The following CSMD1 variants were observed in gnomAD, a reference collection of about 807,000 sequenced individuals.
The protein encoded by CSMD1 is CUB and sushi domain-containing protein 1.
CSMD1 carries 213 observed loss-of-function variants against 417.5 expected under a neutral mutation model. That is an observed-to-expected ratio of 0.51 (90% CI 0.46 to 0.57). CSMD1 has a LOEUF of 0.57. Among genes scored for constraint, CSMD1 ranks in the 20% least tolerant of loss-of-function variants. The pLI, the probability that CSMD1 is intolerant of heterozygous loss-of-function variation, is 0.00. For synonymous variants in CSMD1, 2,862 were observed against 1,736.8 expected (o/e 1.65, Z -16.11); for missense variants, 6,923 against 4,529.7 (o/e 1.53, Z -15.17).
intron 1 of CSMD1, among the ~76,000 whole-genome samples, chr8:4,847,074 T>A (rs936817926): frequency 2.0e-5 from 3 of 152,154 alleles, no homozygotes; most frequent in African/African-American, 7.2e-5. Context: ...TTTGTCAAAA[T>A]AGGGCACCAC....
chr8:4,231,167 T>A (rs888120442), intron 3 of CSMD1, among the ~76,000 whole-genome samples: 1 of 152,182 alleles, frequency 6.6e-6, no homozygotes, highest in East Asian at 1.9e-4. Context: ...TATAGTGAAA[T>A]GTTTAAAATA....
chr8:3,357,717 T>A (rs752196173), intron 21 of CSMD1, among the ~76,000 whole-genome samples: 1 of 152,158 alleles, frequency 6.6e-6, no homozygotes. Flanking sequence ...TCAGGAGTCT[T>A]TAGACTCCAA....
At chr8:4,188,295 C>T (rs6996226) in intron 3 of CSMD1, among the ~76,000 whole-genome samples, 106,090 of 151,690 alleles carry the variant, frequency 0.7, 37,453 homozygotes, top group South Asian at 0.84. Context: ...CAATGTCCCC[C>T]GGTTGTCAAA....
In CSMD1 at chr8:4,145,780, G is replaced by T; in HGVS notation, c.416-113681C>A. Among the ~76,000 whole-genome samples, 3 of 151,076 alleles carry T rather than the reference G, an allele frequency of 2.0e-5. No individual in the cohort carries two copies. In the South Asian group the frequency reaches 6.2e-4, roughly 31 times the overall value. On this transcript the variant is annotated intron_variant, in intron 3 of 69. Coordinates refer to ENST00000635120, the MANE Select transcript of CSMD1 (RefSeq NM_033225.6). ...TTCCCTGCAGGTTCTGCGTCAGCTC[G>T]CACCATGAAGAGTTTTTCTGTATGA...
intron 1 of CSMD1, among the ~76,000 whole-genome samples, chr8:4,841,505 T>C (rs1249363491): frequency 6.6e-6 from 1 of 152,202 alleles, no homozygotes; most frequent in Non-Finnish European, 1.5e-5. Context: ...TCACTAAGTT[T>C]TCTTAAGTAA....
At chr8:4,281,750 G>C (rs1414234947) in intron 3 of CSMD1, among the ~76,000 whole-genome samples, 1 of 152,004 alleles carries the variant, frequency 6.6e-6, no homozygotes, top group East Asian at 1.9e-4. Flanking sequence ...GTCTCTACTT[G>C]TTTTCAAAAT....
At chr8:4,217,235 G>T (rs1008094169) in intron 3 of CSMD1, among the ~76,000 whole-genome samples, 1 of 152,160 alleles carries the variant, frequency 6.6e-6, no homozygotes, top group Non-Finnish European at 1.5e-5. Context: ...ATATAAAAAT[G>T]CTTCTATCTA....
At chr8:4,531,216 C>T (rs1340855104) in intron 2 of CSMD1, among the ~76,000 whole-genome samples, 1 of 152,090 alleles carries the variant, frequency 6.6e-6, no homozygotes, top group East Asian at 1.9e-4. Flanking sequence ...GTTGTTTTGC[C>T]ATTTTTAGCC....
intron 5 of CSMD1, among the ~76,000 whole-genome samples, chr8:3,921,730 A>T (rs534194828): frequency 1.3e-5 from 2 of 152,308 alleles, no homozygotes; most frequent in South Asian, 4.1e-4. Flanking sequence ...GTTTCATAAT[A>T]TAAGAGTCAG....
At chr8:3,243,282 C>G (rs1357387628) in intron 26 of CSMD1, among the ~76,000 whole-genome samples, 4 of 152,016 alleles carry the variant, frequency 2.6e-5, no homozygotes, top group African/African-American at 7.2e-5. Flanking sequence ...GATTGATCTC[C>G]CAAGGGAGGT....
chr8:3,532,168 T>C (rs904366376), intron 10 of CSMD1, among the ~76,000 whole-genome samples: 5 of 152,190 alleles, frequency 3.3e-5, no homozygotes, highest in Admixed American at 2.0e-4. Context: ...GTTTCTCCTA[T>C]GAAATTTCTG....
chr8:4,167,290 T>A (rs113689230), intron 3 of CSMD1, among the ~76,000 whole-genome samples: 1 of 152,172 alleles, frequency 6.6e-6, no homozygotes, highest in Non-Finnish European at 1.5e-5. Flanking sequence ...AAAATTCGTG[T>A]CTATAACAGA....
Position 4,440,591 on chromosome 8 carries a change from G to C in CSMD1, c.303-20526C>G, listed in dbSNP as rs77282153. ...TTTCAAAGATGCAAAACCAACTTTA[G>C]CATTTTCTCTGGAAAGATAGGTAGT... On this transcript the variant is annotated intron_variant, in intron 2 of 69. Transcript: ENST00000635120. Among the ~76,000 whole-genome samples the C allele has an allele frequency of 1.3e-3, 193 of 152,272 alleles. 1 individual carries two copies. Among genetic ancestry groups the C allele is most frequent in the African/African-American group, 4.2e-3 (175 of 41,560 alleles).
At chr8:4,379,926 G>A (rs190643018) in intron 3 of CSMD1, among the ~76,000 whole-genome samples, 6 of 152,234 alleles carry the variant, frequency 3.9e-5, no homozygotes, top group Admixed American at 2.0e-4. Flanking sequence ...CCATGAGCGC[G>A]GCCAGCATAC....
In CSMD1 at chr8:3,189,833, C is replaced by G. The variant is rs78499760; in HGVS notation, c.5398+79G>C. The G allele has an allele frequency of 2.8e-3, 3,646 of 1,321,928 alleles. 96 individuals are homozygous for G. In the African/African-American group the frequency reaches 0.046, roughly 17 times the overall value. The allele number at this position is 1,321,928 out of a possible 1,614,324, so 81.9% of individuals were successfully genotyped here. On this transcript the variant is annotated intron_variant, in intron 34 of 69. Transcript: ENST00000635120. ...TCATGAGCCAGATGGATTTACGTAG[C>G]CTGGATAGAAACATGAGAAGTAACT...
Position 3,485,036 on chromosome 8 carries a change from A to G in CSMD1, c.1448+8587T>C, listed in dbSNP as rs1289999538. ...ACAAAACTAAACATACAACCAACAT[A>G]CAACTCAAGCAATTACACTCCTAAG... On this transcript the variant is annotated intron_variant, in intron 11 of 69. Transcript: ENST00000635120. 5.3e-5 allele frequency among the ~76,000 whole-genome samples: 8 copies of G among 152,344 alleles called. 2 individuals are homozygous for G. In the South Asian group the frequency reaches 1.2e-3, roughly 24 times the overall value.
At chr8:4,960,713 G>A (rs568954672) in intron 1 of CSMD1, among the ~76,000 whole-genome samples, 5 of 151,874 alleles carry the variant, frequency 3.3e-5, no homozygotes, top group African/African-American at 4.8e-5. Context: ...GTTTTAGTCC[G>A]GTAGTTTCCT....
chr8:4,843,780 C>T (rs1032169408), intron 1 of CSMD1, among the ~76,000 whole-genome samples: 18 of 152,134 alleles, frequency 1.2e-4, no homozygotes, highest in African/African-American at 7.2e-5. Context: ...GGAACGTATC[C>T]GTTGAATGAA....
intron 56 of CSMD1, 55 bp from the exon 57 acceptor site, chr8:2,973,354 CA>C (rs1804627417): frequency 1.3e-6 from 2 of 1,536,918 alleles, no homozygotes; most frequent in African/African-American, 2.7e-5. Flanking sequence ...TTGTTTTAAG[CA>C]GAGTTGTCAC....
Sources: allele counts gnomAD v4.1 joint callset (sites outside exome capture counted in the v4.1 genomes callset), GRCh38; gene constraint gnomAD v4.1.1; transcripts MANE v1.5; gene names NCBI Gene and HGNC (gene_info 2026-07-23, HGNC 2026-07-21).